KCNIP3: variants seen among roughly 807,000 people sequenced by gnomAD.
KCNIP3 encodes the protein potassium voltage-gated channel interacting protein 3.
KCNIP3 carries 28 observed loss-of-function variants against 35.0 expected under a neutral mutation model. The ratio of observed to expected loss-of-function variants is 0.80; its 90% CI spans 0.59 to 1.10. The LOEUF (loss-of-function observed/expected upper bound fraction) is 1.10. Ranked by LOEUF, KCNIP3 falls within the 50% of genes least tolerant of loss-of-function variation. The pLI is 0.00. For synonymous variants in KCNIP3, 134 were observed against 133.8 expected (o/e 1.00, Z -0.01); for missense variants, 295 against 338.4 (o/e 0.87, Z 1.01).
chr2:95,379,150 G>C (rs977921383), intron 5 of KCNIP3, among the ~76,000 whole-genome samples: 1 of 151,810 alleles, frequency 6.6e-6, no homozygotes, highest in African/African-American at 2.4e-5. Flanking sequence ...CCCCCAGGAG[G>C]CTGAGGTGGG....
intron 1 of KCNIP3, among the ~76,000 whole-genome samples, chr2:95,309,654 C>T (rs899852944): frequency 4.6e-5 from 7 of 152,266 alleles, no homozygotes; most frequent in Non-Finnish European, 1.0e-4. Context: ...GAACTCCTGA[C>T]CTCAGGTGAT....
intron 2 of KCNIP3, among the ~76,000 whole-genome samples, chr2:95,335,750 G>A (rs1443392342): frequency 6.6e-6 from 1 of 152,054 alleles, no homozygotes; most frequent in Non-Finnish European, 1.5e-5. Context: ...CAAGTTCTAA[G>A]TATTTCTTCT....
chr2:95,328,219 C>T (rs1462970647), intron 2 of KCNIP3, among the ~76,000 whole-genome samples: 2 of 152,270 alleles, frequency 1.3e-5, no homozygotes, highest in East Asian at 3.9e-4. Context: ...CACACTCTCC[C>T]CCCTCCCCCG....
At chr2:95,319,641 C>T (rs1445402412) in intron 2 of KCNIP3, among the ~76,000 whole-genome samples, 1 of 152,188 alleles carries the variant, frequency 6.6e-6, no homozygotes, top group Non-Finnish European at 1.5e-5. Context: ...CCTGGAGGGG[C>T]TAGAGCGATA....
At chr2:95,314,050 C>T (rs1030862959) in intron 2 of KCNIP3, among the ~76,000 whole-genome samples, 1 of 152,112 alleles carries the variant, frequency 6.6e-6, no homozygotes, top group East Asian at 1.9e-4. Flanking sequence ...AGAAGACCCA[C>T]ATCCTCCTCA....
rs1056667748 is a variant in KCNIP3, at chr2:95,370,570, G to A, written c.182-3726G>A. 5.9e-5 allele frequency among the ~76,000 whole-genome samples: 9 copies of A among 152,118 alleles called. No homozygotes were observed. In the East Asian group the frequency reaches 7.7e-4, roughly 13 times the overall value. On this transcript the variant is annotated intron_variant, in intron 2 of 8. Transcript: ENST00000295225. The stretch of plus-strand genomic sequence containing the variant: ...AGTTGTATATCTTTTTTTGTGACAC[G>A]TCCTTGTCTTTTGCCTGTTTACAAA...
chr2:95,365,247 C>G (rs373647024), intron 2 of KCNIP3, among the ~76,000 whole-genome samples: 1 of 151,300 alleles, frequency 6.6e-6, no homozygotes, highest in Non-Finnish European at 1.5e-5. Context: ...CTGCAGCCTC[C>G]GCCTTCAGGG....
intron 2 of KCNIP3, 43 bp downstream of exon 2, chr2:95,310,563 G>A: frequency 6.2e-7 from 1 of 1,607,774 alleles, no homozygotes; most frequent in Non-Finnish European, 8.5e-7. Flanking sequence ...GGGGTGGGGA[G>A]ATCTGTTCTG....
intron 1 of KCNIP3, among the ~76,000 whole-genome samples, chr2:95,306,720 G>C (rs1374638368): frequency 6.6e-6 from 1 of 152,130 alleles, no homozygotes; most frequent in Non-Finnish European, 1.5e-5. Context: ...GCTCCCGGCA[G>C]GGTTGGGGCA....
chr2:95,310,209 A>G, intron 1 of KCNIP3, 146 bp from the exon 2 acceptor site: 7 of 912,374 alleles, frequency 7.7e-6, no homozygotes, highest in Non-Finnish European at 1.3e-5. Context: ...GGCCAGGACA[A>G]GGGGCACTAG....
chr2:95,315,616 A>G (rs748554106), intron 2 of KCNIP3, among the ~76,000 whole-genome samples: 2 of 152,198 alleles, frequency 1.3e-5, no homozygotes, highest in Non-Finnish European at 2.9e-5. Flanking sequence ...TCTTCAGACA[A>G]TGTGGGCAAC....
chr2:95,327,333 C>T (rs894552056), intron 2 of KCNIP3, among the ~76,000 whole-genome samples: 2 of 152,158 alleles, frequency 1.3e-5, no homozygotes, highest in African/African-American at 4.8e-5. Context: ...TGAGGCCACC[C>T]TACCTGCTTT....
intron 2 of KCNIP3, among the ~76,000 whole-genome samples, chr2:95,328,239 G>A (rs1678841337): frequency 6.6e-6 from 1 of 151,520 alleles, no homozygotes. Context: ...GGCCCCTCTG[G>A]CCTTCATCGT....
chr2:95,370,303 A>G (rs1430613675), intron 2 of KCNIP3, among the ~76,000 whole-genome samples: 1 of 152,240 alleles, frequency 6.6e-6, no homozygotes, highest in Non-Finnish European at 1.5e-5. Context: ...TGTGATCTTC[A>G]CAGACTTTAT....
chr2:95,346,890 C>T (rs1679384809), intron 2 of KCNIP3: 3 of 386,750 alleles, frequency 7.8e-6, no homozygotes, highest in Non-Finnish European at 1.3e-5. Context: ...GCAGCCCCGC[C>T]TGCCGGGGGC....
At chr2:95,356,563 A>G (rs956591347) in intron 2 of KCNIP3, among the ~76,000 whole-genome samples, 1 of 152,210 alleles carries the variant, frequency 6.6e-6, no homozygotes, top group Non-Finnish European at 1.5e-5. Flanking sequence ...AGCTTTCTAC[A>G]TATGGCTAGC....
Position 95,374,327 on chromosome 2 carries a change from G to C in KCNIP3, c.213G>C (p.Thr71=), listed in dbSNP as rs1332524985. 4 of 1,614,110 alleles carry C rather than the reference G, an allele frequency of 2.5e-6. No individual in the cohort carries two copies. The highest frequency in any genetic ancestry group is 2.2e-5 in the East Asian group (1 of 44,886). Residue 71 remains threonine, a synonymous_variant, in exon 3 of 9, where the codon ACG becomes ACC. Coordinates refer to ENST00000295225, the MANE Select transcript of KCNIP3 (RefSeq NM_013434.5). ...DSSDSELELS[T]VRHQPEGLDQ... is the part of the protein sequence containing the mutation. ...GCGACAGTGAGCTGGAGCTGTCCAC[G>C]GTGCGCCACCAGCCAGAGGGGCTGG...
At chr2:95,312,520 G>GCTGGGCCAGGT (rs1678347947) in intron 2 of KCNIP3, 1 of 152,404 alleles carries the variant, frequency 6.6e-6, no homozygotes, top group Non-Finnish European at 1.5e-5. Context: ...CAGGGCCAGG[G>GCTGGGCCAGGT]CTGGGCCAGG....
At chr2:95,379,038 TC>T (rs899413325) in intron 5 of KCNIP3, among the ~76,000 whole-genome samples, 3 of 151,976 alleles carry the variant, frequency 2.0e-5, no homozygotes, top group Non-Finnish European at 2.9e-5. Context: ...TGTTTCCATG[TC>T]CCCCAGAAGC....
Sources: allele counts gnomAD v4.1 joint callset (sites outside exome capture counted in the v4.1 genomes callset), GRCh38; gene constraint gnomAD v4.1.1; transcripts MANE v1.5; gene names NCBI Gene and HGNC (gene_info 2026-07-23, HGNC 2026-07-21).